The following SDK1 variants were observed in gnomAD, a reference collection of about 807,000 sequenced individuals.
The protein encoded by SDK1 is protein sidekick-1.
A neutral mutation model predicts 245.5 loss-of-function variants in SDK1; 157 were observed. That is an observed-to-expected ratio of 0.64 (90% CI 0.56 to 0.73). The LOEUF is 0.73. SDK1 is among the 30% of genes least tolerant of loss of function. The pLI, the probability that SDK1 is intolerant of heterozygous loss-of-function variation, is 0.00. For missense variants in SDK1, 3,583 were observed against 3,002.3 expected (o/e 1.19, Z -4.52); for synonymous variants, 1,647 against 1,278.5 (o/e 1.29, Z -6.15).
At chr7:3,608,900 A>G (rs549326351) in intron 1 of SDK1, among the ~76,000 whole-genome samples, 2 of 152,318 alleles carry the variant, frequency 1.3e-5, no homozygotes, top group East Asian at 3.9e-4. Flanking sequence ...CCTCCTTTCC[A>G]GCCATGTATC....
intron 14 of SDK1, among the ~76,000 whole-genome samples, chr7:4,009,900 G>T (rs149063657): frequency 1.3e-5 from 2 of 152,198 alleles, no homozygotes; most frequent in Non-Finnish European, 2.9e-5. Flanking sequence ...GCAGACTTAC[G>T]AATCCCCGCG....
chr7:3,437,250 C>G (rs966027316), intron 1 of SDK1, among the ~76,000 whole-genome samples: 3 of 151,392 alleles, frequency 2.0e-5, no homozygotes, highest in African/African-American at 7.3e-5. Context: ...GTTTTTTTTT[C>G]TCTTAAAAAG....
chr7:3,676,022 G>A (rs929996466), intron 4 of SDK1, among the ~76,000 whole-genome samples: 1 of 151,700 alleles, frequency 6.6e-6, no homozygotes, highest in African/African-American at 2.4e-5. Flanking sequence ...TTCTTTTTTT[G>A]TGGCACTATC....
intron 19 of SDK1, among the ~76,000 whole-genome samples, chr7:4,060,289 T>C (rs1779454782): frequency 6.6e-6 from 1 of 152,058 alleles, no homozygotes; most frequent in Non-Finnish European, 1.5e-5. Flanking sequence ...CAGAAAAAAG[T>C]AGAAAGATTT....
chr7:3,639,123 T>G lies in SDK1; in HGVS notation c.565+13T>G. ...GTTCAAGTCGCATGTATGTGTACAG[T>G]AAGGAGATGTCCAAATGTTAAAGAA... On this transcript the variant is annotated intron_variant, in intron 3 of 44. Coordinates refer to ENST00000404826, the MANE Select transcript of SDK1 (RefSeq NM_152744.4). 6.9e-7 allele frequency: 1 copy of G among 1,456,004 alleles called. No individual in the cohort carries two copies. Among genetic ancestry groups the G allele is most frequent in the Non-Finnish European group, 9.5e-7 (1 of 1,051,804 alleles). The allele number at this position is 1,456,004 out of a possible 1,614,324, so 90.2% of individuals were successfully genotyped here.
intron 28 of SDK1, among the ~76,000 whole-genome samples, chr7:4,137,318 C>T (rs1354171543): frequency 6.6e-6 from 1 of 152,198 alleles, no homozygotes; most frequent in East Asian, 1.9e-4. Flanking sequence ...CCACCTAAAA[C>T]GTCCGGATAG....
chr7:4,099,749 G>A (rs1281230482), intron 22 of SDK1, among the ~76,000 whole-genome samples: 2 of 146,390 alleles, frequency 1.4e-5, no homozygotes, highest in Admixed American at 6.9e-5. Context: ...GCACAGAGTG[G>A]GGCGTGTGTG....
chr7:3,326,688 AT>A (rs1243320593), intron 1 of SDK1, among the ~76,000 whole-genome samples: 3 of 152,006 alleles, frequency 2.0e-5, no homozygotes, highest in Non-Finnish European at 4.4e-5. Context: ...TTTTTATTTA[AT>A]TTTTTATCAT....
chr7:3,453,045 C>G (rs1352127238), intron 1 of SDK1, among the ~76,000 whole-genome samples: 1 of 152,146 alleles, frequency 6.6e-6, no homozygotes, highest in Non-Finnish European at 1.5e-5. Context: ...TCAGCTCTGT[C>G]CTGCTACCAC....
intron 35 of SDK1, among the ~76,000 whole-genome samples, chr7:4,191,303 G>A (rs754119459): frequency 6.6e-4 from 101 of 152,060 alleles, no homozygotes; most frequent in Non-Finnish European, 6.5e-4. Flanking sequence ...TCCCTTTCGT[G>A]CTCAGGCTTC....
chr7:4,068,111 G>C (rs1030392417), intron 20 of SDK1, among the ~76,000 whole-genome samples, 175 bp downstream of exon 20: 1 of 152,210 alleles, frequency 6.6e-6, no homozygotes, highest in Non-Finnish European at 1.5e-5. Flanking sequence ...GACTGCCCCA[G>C]TGAGAGCCAG....
At chr7:3,824,942 C>G (rs377119355) in intron 5 of SDK1, among the ~76,000 whole-genome samples, 1 of 152,122 alleles carries the variant, frequency 6.6e-6, no homozygotes. Flanking sequence ...AACCGATATT[C>G]CTGTAGGGAA....
chr7:4,219,816 T>TCCCTC (rs1785038164), intron 38 of SDK1, among the ~76,000 whole-genome samples: 1 of 24,252 alleles, frequency 4.1e-5, no homozygotes, highest in Admixed American at 4.3e-4. Flanking sequence ...CCCCCGCTCC[T>TCCCTC]CCCTCCCCTC....
intron 41 of SDK1, among the ~76,000 whole-genome samples, chr7:4,234,998 A>G (rs911884362): frequency 2.0e-5 from 3 of 152,110 alleles, no homozygotes; most frequent in Non-Finnish European, 4.4e-5. Flanking sequence ...CACTTGTTGA[A>G]ATTGAACTTA....
At chr7:4,072,688 G>C (rs565355973) in intron 20 of SDK1, among the ~76,000 whole-genome samples, 1 of 152,224 alleles carries the variant, frequency 6.6e-6, no homozygotes, top group African/African-American at 2.4e-5. Context: ...CCATGCTCTC[G>C]CAGGCTTCCT....
intron 5 of SDK1, among the ~76,000 whole-genome samples, chr7:3,939,748 A>C (rs1166684747): frequency 6.6e-6 from 1 of 152,268 alleles, no homozygotes; most frequent in African/African-American, 2.4e-5. Flanking sequence ...TGAGCTATCC[A>C]GATGCCTGCT....
At chr7:3,527,246 A>G (rs1783169334) in intron 1 of SDK1, among the ~76,000 whole-genome samples, 1 of 152,242 alleles carries the variant, frequency 6.6e-6, no homozygotes, top group Non-Finnish European at 1.5e-5. Context: ...ATGGTAAATA[A>G]GATGCCATAT....
chr7:3,607,129 C>G (rs888013676), intron 1 of SDK1, among the ~76,000 whole-genome samples: 1 of 151,852 alleles, frequency 6.6e-6, no homozygotes, highest in African/African-American at 2.4e-5. Context: ...TAGTCACTAC[C>G]TGCACTACAC....
At chr7:4,193,820 C>G (rs1272534604) in intron 35 of SDK1, among the ~76,000 whole-genome samples, 1 of 152,170 alleles carries the variant, frequency 6.6e-6, no homozygotes, top group Non-Finnish European at 1.5e-5. Flanking sequence ...CATTTTCTTT[C>G]ATCACTTTGT....
Sources: gnomAD v4.1 joint callset for allele counts (sites outside exome capture counted in the v4.1 genomes callset) on GRCh38, gnomAD v4.1.1 for gene constraint, MANE v1.5 for transcripts, NCBI Gene and HGNC (gene_info 2026-07-23, HGNC 2026-07-21) for gene names.